Variants in MYRIP observed in about 807,000 individuals in gnomAD.
MYRIP encodes myosin VIIA and Rab interacting protein.
MYRIP carries 49 observed loss-of-function variants against 98.0 expected under a neutral mutation model. The ratio of observed to expected loss-of-function variants is 0.50; its 90% CI spans 0.40 to 0.63. MYRIP has a LOEUF of 0.63. MYRIP is among the 30% of genes least tolerant of loss of function. MYRIP has a pLI of 0.00. For missense variants in MYRIP, 1,004 were observed against 1,058.2 expected, an observed-to-expected ratio of 0.95 and a Z score of 0.71; for synonymous variants, 404 against 409.5, an observed-to-expected ratio of 0.99 and a Z score of 0.16.
At chr3:40,164,025 A>G (rs1950453256) in intron 5 of MYRIP, among the ~76,000 whole-genome samples, 2 of 152,142 alleles carry the variant, frequency 1.3e-5, no homozygotes, top group Admixed American at 1.3e-4. Flanking sequence ...TTCTACACTC[A>G]GATTTCTAAT....
At chr3:39,866,130 A>C (rs960222962) in intron 1 of MYRIP, among the ~76,000 whole-genome samples, 10 of 152,132 alleles carry the variant, frequency 6.6e-5, no homozygotes, top group African/African-American at 2.4e-4. Context: ...CATTGAGTAC[A>C]TATGGACACA....
intron 2 of MYRIP, among the ~76,000 whole-genome samples, chr3:39,996,348 C>T (rs57033187): frequency 6.6e-6 from 1 of 151,930 alleles, no homozygotes; most frequent in Non-Finnish European, 1.5e-5. Context: ...ATCTACCAAG[C>T]AAATGGAAAA....
chr3:39,858,486 G>A (rs1161248136), intron 1 of MYRIP, among the ~76,000 whole-genome samples: 1 of 152,038 alleles, frequency 6.6e-6, no homozygotes, highest in East Asian at 1.9e-4. Flanking sequence ...AGATCATCCA[G>A]ACAGAAAATC....
chr3:39,982,574 T>C (rs1435061648), intron 2 of MYRIP, among the ~76,000 whole-genome samples: 1 of 152,186 alleles, frequency 6.6e-6, no homozygotes, highest in Non-Finnish European at 1.5e-5. Context: ...CTGCCAAGCC[T>C]CTTGGGAACT....
intron 3 of MYRIP, among the ~76,000 whole-genome samples, chr3:40,057,133 T>G (rs1353790420): frequency 6.6e-6 from 1 of 152,114 alleles, no homozygotes; most frequent in Non-Finnish European, 1.5e-5. Flanking sequence ...CCCACCACCT[T>G]CCACACCTTC....
rs372158307 is a variant in MYRIP at position 40,032,017 on chromosome 3, A to T, written c.111-12033A>T. On this transcript the variant is annotated intron_variant, in intron 2 of 16. Transcript: ENST00000302541. ...GTTCTGCTCTGATTTTAGTTATTTCATGCCTTCTGCTAGCTTTTGAATGTG... is the reference window on the plus strand; with the variant it reads ...GTTCTGCTCTGATTTTAGTTATTTCTTGCCTTCTGCTAGCTTTTGAATGTG... Among the ~76,000 whole-genome samples, 205 of 151,726 alleles carry T rather than the reference A, an allele frequency of 1.4e-3. 2 individuals carry two copies. The South Asian group carries it at 0.04, about 30-fold the overall frequency.
chr3:40,134,790 C>T (rs538635930), intron 3 of MYRIP, among the ~76,000 whole-genome samples: 80 of 152,322 alleles, frequency 5.3e-4, no homozygotes, highest in Non-Finnish European at 8.5e-4. Flanking sequence ...AGTGGACCTC[C>T]GGTGAACTCC....
chr3:40,102,350 T>A (rs1948961686), intron 3 of MYRIP, among the ~76,000 whole-genome samples: 1 of 152,224 alleles, frequency 6.6e-6, no homozygotes, highest in East Asian at 1.9e-4. Flanking sequence ...TGAGCCTTGA[T>A]GGGGCTCTGA....
intron 1 of MYRIP, among the ~76,000 whole-genome samples, chr3:39,841,441 G>T (rs1012318236): frequency 9.2e-5 from 14 of 152,128 alleles, no homozygotes; most frequent in African/African-American, 3.4e-4. Flanking sequence ...CCCACCTTCT[G>T]AAGCCTACTT....
intron 2 of MYRIP, among the ~76,000 whole-genome samples, chr3:40,002,242 A>G (rs1946534742): frequency 6.6e-6 from 1 of 152,232 alleles, no homozygotes; most frequent in South Asian, 2.1e-4. Flanking sequence ...ATTTTAAAAC[A>G]GTCATATTGA....
intron 1 of MYRIP, among the ~76,000 whole-genome samples, chr3:39,843,700 G>A (rs1437613459): frequency 6.6e-6 from 1 of 152,140 alleles, no homozygotes; most frequent in Non-Finnish European, 1.5e-5. Flanking sequence ...AGCGTTACAG[G>A]CAGAGATGGC....
intron 9 of MYRIP, among the ~76,000 whole-genome samples, chr3:40,185,289 G>A (rs1427809429): frequency 6.6e-6 from 1 of 152,168 alleles, no homozygotes; most frequent in Non-Finnish European, 1.5e-5. Context: ...CAGTTAATGG[G>A]TTTCCCCCAA....
intron 2 of MYRIP, among the ~76,000 whole-genome samples, chr3:40,033,565 A>T (rs557116049): frequency 1.9e-4 from 29 of 152,350 alleles, no homozygotes; most frequent in Admixed American, 1.5e-3. Flanking sequence ...TCAATGAAAT[A>T]AAAGAGGATA....
chr3:39,986,819 A>AG (rs1946043042), intron 2 of MYRIP, among the ~76,000 whole-genome samples: 1 of 152,142 alleles, frequency 6.6e-6, no homozygotes. Flanking sequence ...CCAACTCTGC[A>AG]GGACAAAGCA....
At chr3:39,997,637 C>T (rs1424769004) in intron 2 of MYRIP, among the ~76,000 whole-genome samples, 3 of 151,634 alleles carry the variant, frequency 2.0e-5, no homozygotes, top group Non-Finnish European at 4.4e-5. Context: ...CCTTCTGAAA[C>T]TATTCCAATC....
intron 2 of MYRIP, among the ~76,000 whole-genome samples, chr3:39,994,665 CT>C (rs1946288612): frequency 6.6e-6 from 1 of 152,216 alleles, no homozygotes. Context: ...TTAAATGTCC[CT>C]GTCCGACAGC....
At chr3:40,224,602 A>G (rs1000818856) in intron 11 of MYRIP, among the ~76,000 whole-genome samples, 1 of 152,188 alleles carries the variant, frequency 6.6e-6, no homozygotes, top group South Asian at 2.1e-4. Flanking sequence ...AAAGAAGAAC[A>G]AGAAAATGAC....
intron 3 of MYRIP, among the ~76,000 whole-genome samples, chr3:40,131,639 G>A (rs372495492): frequency 1.2e-4 from 18 of 152,176 alleles, no homozygotes; most frequent in African/African-American, 2.6e-4. Context: ...ATAAAATAGC[G>A]TATGTTTTTG....
intron 1 of MYRIP, among the ~76,000 whole-genome samples, chr3:39,825,226 T>C (rs1941228056): frequency 1.3e-5 from 2 of 152,220 alleles, no homozygotes; most frequent in Admixed American, 6.5e-5. Flanking sequence ...CTTCCAGTAC[T>C]ATGTTGAATA....
Sources: allele counts gnomAD v4.1 joint callset (sites outside exome capture counted in the v4.1 genomes callset), GRCh38; gene constraint gnomAD v4.1.1; transcripts MANE v1.5; gene names NCBI Gene and HGNC (gene_info 2026-07-23, HGNC 2026-07-21).